The following PSD3 variants were observed in gnomAD, a reference collection of about 807,000 sequenced individuals.
PSD3 encodes PH and SEC7 domain-containing protein 3.
PSD3 carries 49 observed loss-of-function variants against 105.5 expected under a neutral mutation model. The observed-to-expected ratio is 0.46, with a 90% CI of 0.37 to 0.59. The LOEUF is 0.59. PSD3 is among the 20% of genes least tolerant of loss of function. The pLI is 0.00. For synonymous variants in PSD3, 557 were observed against 457.8 expected, an observed-to-expected ratio of 1.22 and a Z score of -2.77; for missense variants, 1,561 against 1,263.8, an observed-to-expected ratio of 1.24 and a Z score of -3.57.
chr8:18,607,278 C>T (rs1430313036), intron 11 of PSD3, among the ~76,000 whole-genome samples: 1 of 152,168 alleles, frequency 6.6e-6, no homozygotes, highest in East Asian at 1.9e-4. Context: ...CTCCACATTT[C>T]TGCAGAATAG....
At chr8:18,727,586 A>G (rs1216391201) in intron 9 of PSD3, among the ~76,000 whole-genome samples, 41 of 148,996 alleles carry the variant, frequency 2.8e-4, no homozygotes, top group Non-Finnish European at 3.0e-5. Flanking sequence ...ACACACACGC[A>G]CGCACACACA....
intron 12 of PSD3, among the ~76,000 whole-genome samples, chr8:18,590,285 C>T (rs1387488134): frequency 6.6e-6 from 1 of 152,022 alleles, no homozygotes; most frequent in African/African-American, 2.4e-5. Flanking sequence ...AGCGTGCATA[C>T]CATGAGGGGT....
Position 19,028,837 on chromosome 8 carries a change from C to T in PSD3, c.324+55369G>A, listed in dbSNP as rs1465823106. Among the ~76,000 whole-genome samples the T allele has an allele frequency of 5.3e-5, 8 of 152,110 alleles. No homozygotes were observed. In the East Asian group the frequency reaches 1.5e-3, roughly 29 times the overall value. On this transcript the variant is annotated intron_variant, in intron 1 of 1. Transcript: ENST00000521475. ...AGCTCTTATCTTTACATTTATGAGC[C>T]ATTATGTGTTAATCTTCACATGTGC...
At chr8:18,845,267 G>A (rs1218693344) in intron 4 of PSD3, among the ~76,000 whole-genome samples, 1 of 152,190 alleles carries the variant, frequency 6.6e-6, no homozygotes, top group Admixed American at 6.5e-5. Flanking sequence ...TGACTTTGAA[G>A]AGGATGGCGA....
intron 11 of PSD3, among the ~76,000 whole-genome samples, chr8:18,616,833 C>A (rs563933136): frequency 6.6e-6 from 1 of 151,628 alleles, no homozygotes; most frequent in East Asian, 1.9e-4. Flanking sequence ...CCGTTTTAGC[C>A]GGGATGGTCT....
chr8:19,039,875 G>A (rs1828064682), intron 1 of PSD3, among the ~76,000 whole-genome samples: 1 of 152,180 alleles, frequency 6.6e-6, no homozygotes, highest in African/African-American at 2.4e-5. Flanking sequence ...GCAGGAGGCT[G>A]ACAATAAACA....
upstream of PSD3, among the ~76,000 whole-genome samples, chr8:19,016,826 C>A (rs1827193169): frequency 6.6e-6 from 1 of 152,092 alleles, no homozygotes; most frequent in Non-Finnish European, 1.5e-5. Context: ...AGACGGGAAG[C>A]AAATGGGGTC....
intron 1 of PSD3, among the ~76,000 whole-genome samples, chr8:19,071,571 C>T (rs779401276): frequency 9.2e-5 from 14 of 152,092 alleles, no homozygotes; most frequent in Admixed American, 1.3e-4. Flanking sequence ...GCCTGGAAAG[C>T]GGGGAGAAAG....
At position 19,029,412 on chromosome 8, in the gene PSD3, G is replaced by C. The variant is rs780638577; in HGVS notation, c.324+54794C>G. Among the ~76,000 whole-genome samples, 5 of 152,158 alleles carry C rather than the reference G, an allele frequency of 3.3e-5. No individual in the cohort carries two copies. In the South Asian group the frequency reaches 6.2e-4, roughly 19 times the overall value. ...ATGCTGCTAATAAAGACATACCCGAGACTGGGTGATTTATAAAGGAAAGAG... is the reference window on the plus strand; with the variant it reads ...ATGCTGCTAATAAAGACATACCCGACACTGGGTGATTTATAAAGGAAAGAG... On this transcript the variant is annotated intron_variant, in intron 1 of 1. Coordinates refer to the PSD3 transcript ENST00000521475.
intron 1 of PSD3, among the ~76,000 whole-genome samples, chr8:19,059,671 CA>C (rs1828831537): frequency 6.6e-6 from 1 of 152,196 alleles, no homozygotes; most frequent in Non-Finnish European, 1.5e-5. Context: ...GTCTGTAAAG[CA>C]CTGAGTTGAG....
intron 15 of PSD3, among the ~76,000 whole-genome samples, chr8:18,548,333 T>C (rs73577814): frequency 0.032 from 4,947 of 152,246 alleles, 166 homozygotes; most frequent in African/African-American, 0.088. Context: ...TTCTTTGAAA[T>C]TGGTTACTAG....
intron 1 of PSD3, among the ~76,000 whole-genome samples, chr8:18,982,650 C>T (rs909459224): frequency 6.6e-6 from 1 of 152,166 alleles, no homozygotes; most frequent in Non-Finnish European, 1.5e-5. Flanking sequence ...TTTACATAAG[C>T]GCTCTTGGGT....
Position 18,535,748 on chromosome 8 carries a change from T to G in PSD3, c.3139A>C (p.Thr1047Pro). ...PETPSIKQKV[T>P] The stretch of plus-strand genomic sequence containing the variant: ...TTCCTGGCCGCAGATGGACTCTAAG[T>G]AACTTTTTGCTTAATGCTTGGTGTT... The change falls in exon 16 of 16, where the codon ACT becomes CCT. Residue 1047 changes from threonine (T) to proline (P), a missense_variant. Thr to Pro is a conservative substitution (Grantham distance 38). Coordinates refer to ENST00000327040, the MANE Select transcript of PSD3 (RefSeq NM_015310.4). 1 of 1,609,936 alleles carries G rather than the reference T, an allele frequency of 6.2e-7. No homozygotes were observed. Among genetic ancestry groups the G allele is most frequent in the Non-Finnish European group, 8.5e-7 (1 of 1,176,168 alleles).
intron 1 of PSD3, among the ~76,000 whole-genome samples, chr8:19,060,617 G>C (rs1452438178): frequency 6.6e-6 from 1 of 152,190 alleles, no homozygotes; most frequent in African/African-American, 2.4e-5. Flanking sequence ...CTGGGCAACA[G>C]AGTGAGACCC....
At chr8:18,652,089 A>G (rs1808524181) in intron 10 of PSD3, among the ~76,000 whole-genome samples, 1 of 152,174 alleles carries the variant, frequency 6.6e-6, no homozygotes, top group Admixed American at 6.5e-5. Flanking sequence ...AAGATGATGT[A>G]AAGGCTAAAA....
intron 8 of PSD3, among the ~76,000 whole-genome samples, chr8:18,766,226 C>T (rs1361435299): frequency 4.6e-5 from 7 of 151,806 alleles, no homozygotes; most frequent in Non-Finnish European, 2.9e-5. Context: ...CCTAGCTACT[C>T]GGGAGGTTGA....
At chr8:18,723,218 C>T (rs118088236) in intron 9 of PSD3, among the ~76,000 whole-genome samples, 3 of 152,144 alleles carry the variant, frequency 2.0e-5, no homozygotes, top group African/African-American at 7.2e-5. Flanking sequence ...GCAGATGACA[C>T]GTGTGTTCTA....
intron 2 of PSD3, among the ~76,000 whole-genome samples, chr8:18,904,012 C>A (rs1026921740): frequency 1.3e-5 from 2 of 152,084 alleles, no homozygotes; most frequent in African/African-American, 4.8e-5. Flanking sequence ...AAGGAACACC[C>A]GAAACTGAGT....
At chr8:18,990,070 C>T (rs560966995) in intron 1 of PSD3, among the ~76,000 whole-genome samples, 17 of 152,350 alleles carry the variant, frequency 1.1e-4, no homozygotes, top group African/African-American at 3.1e-4. Flanking sequence ...TATCTTTCCA[C>T]TTGTCTGTAT....
Sources: allele counts gnomAD v4.1 joint callset (sites outside exome capture counted in the v4.1 genomes callset), GRCh38; gene constraint gnomAD v4.1.1; transcripts MANE v1.5; gene names NCBI Gene and HGNC (gene_info 2026-07-23, HGNC 2026-07-21).